RANBP2: variants seen among roughly 807,000 people sequenced by gnomAD.
RANBP2 encodes RAN binding protein 2, also known as E3 SUMO-protein ligase RanBP2.
Under a neutral mutation model 303.6 loss-of-function variants are expected in RANBP2, and 57 were observed. That is an observed-to-expected ratio of 0.19 (90% CI 0.15 to 0.23). The LOEUF (loss-of-function observed/expected upper bound fraction) is 0.23, where lower values mean the gene tolerates loss of function less well. RANBP2 is among the 10% of genes least tolerant of loss of function. The probability of loss-of-function intolerance (pLI) is 1.00; values close to 1 mark genes in which losing one functional copy is unlikely to be tolerated. For missense variants in RANBP2, 3,138 were observed against 3,780.8 expected (o/e 0.83, Z 4.46); for synonymous variants, 1,167 against 1,301.5 (o/e 0.90, Z 2.23).
chr2:109,644,442 G>T, the RANBP2 span, among the ~76,000 whole-genome samples: 8,504 of 152,248 alleles, frequency 0.056, 333 homozygotes, highest in Non-Finnish European at 0.087. Flanking sequence ...CGGTTCCAAT[G>T]GTATTGAAAA....
At chr2:109,213,142 G>GTT in the RANBP2 span, among the ~76,000 whole-genome samples, 1 of 152,198 alleles carries the variant, frequency 6.6e-6, no homozygotes, top group Non-Finnish European at 1.5e-5. Context: ...TGAACACCCA[G>GTT]TTTTTAAACT....
chr2:109,273,713 C>A, the RANBP2 span, among the ~76,000 whole-genome samples: 1 of 152,192 alleles, frequency 6.6e-6, no homozygotes, highest in Admixed American at 6.5e-5. Context: ...AGATCTATCA[C>A]GTTGCAGGGT....
chr2:109,629,804 C>A, the RANBP2 span, among the ~76,000 whole-genome samples: 3 of 151,760 alleles, frequency 2.0e-5, no homozygotes, highest in African/African-American at 7.3e-5. Flanking sequence ...GAGCAAGACT[C>A]CGTTTCAAAA....
At chr2:108,862,128 A>G in the RANBP2 span, among the ~76,000 whole-genome samples, 5 of 147,688 alleles carry the variant, frequency 3.4e-5, no homozygotes, top group Admixed American at 1.4e-4. Context: ...GGTCAGTCAT[A>G]GAGTATGTTT....
In RANBP2 at chr2:108,779,493, T is replaced by C. The variant is rs529872606; in HGVS notation, c.8600-1776T>C. Reference sequence around the variant, plus strand: ...TCTCCTCTTTAAAAACATTTTTTTTTCCCCTCCATTAAATCTGTCTGAAAG... The same window carrying C: ...TCTCCTCTTTAAAAACATTTTTTTTCCCCCTCCATTAAATCTGTCTGAAAG... On this transcript the variant is annotated intron_variant, in intron 25 of 28. Coordinates refer to ENST00000283195, the MANE Select transcript of RANBP2 (RefSeq NM_006267.5). Among the ~76,000 whole-genome samples the C allele has an allele frequency of 1.4e-3, 208 of 152,264 alleles. 2 individuals carry two copies. The highest frequency in any genetic ancestry group is 4.5e-3 in the African/African-American group (185 of 41,556).
chr2:108,922,773 A>G, the RANBP2 span, among the ~76,000 whole-genome samples: 1 of 151,866 alleles, frequency 6.6e-6, no homozygotes, highest in East Asian at 1.9e-4. Context: ...CAGACCACAC[A>G]TCTAAGAGTC....
the RANBP2 span, among the ~76,000 whole-genome samples, chr2:109,159,272 C>T: frequency 1.4e-3 from 215 of 152,314 alleles, no homozygotes; most frequent in African/African-American, 4.5e-3. Flanking sequence ...TCTATCCCGG[C>T]GCAGCTGCCT....
chr2:109,344,394 C>T, the RANBP2 span, among the ~76,000 whole-genome samples: 3 of 152,176 alleles, frequency 2.0e-5, no homozygotes, highest in Non-Finnish European at 2.9e-5. Flanking sequence ...CAAAGCCCTG[C>T]ATGTTCCAGG....
the RANBP2 span, among the ~76,000 whole-genome samples, chr2:109,317,666 G>C: frequency 6.6e-6 from 1 of 152,308 alleles, no homozygotes; most frequent in East Asian, 1.9e-4. Context: ...ATGACTTCAG[G>C]TACATAAATA....
At chr2:108,900,310 C>G in the RANBP2 span, among the ~76,000 whole-genome samples, 1 of 152,212 alleles carries the variant, frequency 6.6e-6, no homozygotes, top group Non-Finnish European at 1.5e-5. Context: ...AATCCCAGCA[C>G]TTTGGGAGGC....
the RANBP2 span, among the ~76,000 whole-genome samples, chr2:109,320,799 G>T: frequency 6.6e-6 from 1 of 152,200 alleles, no homozygotes; most frequent in Non-Finnish European, 1.5e-5. Flanking sequence ...TGCTTTGCTT[G>T]CTGTACATGG....
At chr2:109,429,799 C>T in the RANBP2 span, among the ~76,000 whole-genome samples, 3 of 152,338 alleles carry the variant, frequency 2.0e-5, no homozygotes, top group East Asian at 5.8e-4. Context: ...GGGGAGGAAG[C>T]ACGTTGCACA....
At chr2:109,269,780 A>G in the RANBP2 span, among the ~76,000 whole-genome samples, 1 of 152,202 alleles carries the variant, frequency 6.6e-6, no homozygotes, top group Non-Finnish European at 1.5e-5. Flanking sequence ...GGGAGGGGTG[A>G]GGGGAACTGA....
chr2:109,499,294 C>T, the RANBP2 span, among the ~76,000 whole-genome samples: 2 of 152,122 alleles, frequency 1.3e-5, no homozygotes, highest in African/African-American at 4.8e-5. Context: ...CCTGCCAGGC[C>T]CATCTCGGTG....
rs773147535 is a variant in RANBP2 at position 108,754,917 on chromosome 2, C to G, written c.2215C>G (p.Leu739Val). 6.2e-7 allele frequency: 1 copy of G among 1,611,788 alleles called. No homozygotes were observed. The highest frequency in any genetic ancestry group is 1.1e-5 in the South Asian group (1 of 90,986). Reference sequence around the variant, plus strand: ...CTTTTATTTTTAGTTGCCTGTGCCCCTGGAGTCTGTAAAAGAGATGCTTAA... The same window carrying G: ...CTTTTATTTTTAGTTGCCTGTGCCCGTGGAGTCTGTAAAAGAGATGCTTAA... Reference protein sequence around the residue: ...LSVVKKLPVPLESVKEMLNSV... With the variant: ...LSVVKKLPVPVESVKEMLNSV... Residue 739 changes from leucine to valine, a missense_variant, in exon 16 of 29, where the codon CTG becomes GTG. Leu to Val is a conservative substitution (Grantham distance 32). Around this residue, in one of 20 missense-constraint regions of RANBP2, gnomAD observed 194 missense variants for 197.4 expected, o/e 0.98. Coordinates refer to ENST00000283195, the MANE Select transcript of RANBP2 (RefSeq NM_006267.5).
chr2:109,603,395 T>C, the RANBP2 span, among the ~76,000 whole-genome samples: 1 of 152,016 alleles, frequency 6.6e-6, no homozygotes, highest in African/African-American at 2.4e-5. Context: ...CCGCCACGCC[T>C]GGCTAATTTT....
the RANBP2 span, among the ~76,000 whole-genome samples, chr2:108,923,632 A>G: frequency 1.1e-3 from 165 of 152,326 alleles, no homozygotes; most frequent in Non-Finnish European, 1.9e-3. Context: ...GCCTGTCTTG[A>G]AATGGAGCAT....
the RANBP2 span, among the ~76,000 whole-genome samples, chr2:109,462,150 A>G: frequency 6.7e-6 from 1 of 149,820 alleles, no homozygotes; most frequent in Non-Finnish European, 1.5e-5. Context: ...CACTAGGTCC[A>G]GTCAGCACAA....
At chr2:108,726,472 T>G (rs1694721739) in intron 1 of RANBP2, among the ~76,000 whole-genome samples, 1 of 151,282 alleles carries the variant, frequency 6.6e-6, no homozygotes, top group Non-Finnish European at 1.5e-5. Context: ...CAACAGAAAT[T>G]TATTTTCTCA....
Sources: allele counts gnomAD v4.1 joint callset (sites outside exome capture counted in the v4.1 genomes callset), GRCh38; gene constraint gnomAD v4.1.1; regional missense constraint gnomAD v4.1.1; transcripts MANE v1.5; gene names NCBI Gene and HGNC (gene_info 2026-07-23, HGNC 2026-07-21).